Variants in ATM observed in about 807,000 individuals in gnomAD.
ATM encodes ATM serine/threonine kinase, also known as serine-protein kinase ATM.
A neutral mutation model predicts 387.0 loss-of-function variants in ATM; 308 were observed. The ratio of observed to expected loss-of-function variants is 0.80; its 90% CI spans 0.73 to 0.87. ATM has a LOEUF of 0.87. Ranked by LOEUF, ATM falls within the 40% of genes least tolerant of loss-of-function variation. ATM has a pLI of 0.00. For missense variants in ATM, 3,312 were observed against 3,560.9 expected, an observed-to-expected ratio of 0.93 and a Z score of 1.78; for synonymous variants, 1,156 against 1,187.3, an observed-to-expected ratio of 0.97 and a Z score of 0.54.
At chr11:108,266,903 C>T (rs1161707726) in intron 16 of ATM, among the ~76,000 whole-genome samples, 5 of 149,558 alleles carry the variant, frequency 3.3e-5, no homozygotes, top group Non-Finnish European at 5.9e-5. Flanking sequence ...TCAAGTGATT[C>T]TCCTGCCTCA....
intron 18 of ATM, among the ~76,000 whole-genome samples, chr11:108,269,450 G>A (rs530083476): frequency 1.4e-4 from 21 of 152,006 alleles, no homozygotes; most frequent in Middle Eastern, 3.4e-3. Flanking sequence ...TCAAATCCAA[G>A]CCAACATCAC....
rs192830561 is a variant in ATM at position 108,310,042 on chromosome 11, T to C, written c.5763-118T>C. The stretch of plus-strand genomic sequence containing the variant: ...GGTATATATTGGGGAAATGTGGTTT[T>C]TGGGAATTTGTAATTTTCTGTTAAG... On this transcript the variant is annotated intron_variant, in intron 38 of 62. Coordinates refer to ENST00000675843, the MANE Select transcript of ATM (RefSeq NM_000051.4). 124 of 1,058,072 alleles carry C rather than the reference T, an allele frequency of 1.2e-4. No individual in the cohort carries two copies. In the African/African-American group the frequency reaches 1.8e-3, roughly 15 times the overall value. The allele number at this position is 1,058,072 out of a possible 1,614,324, so 65.5% of individuals were successfully genotyped here.
intron 13 of ATM, 77 bp from the exon 14 acceptor site, chr11:108,256,138 A>T: frequency 7.5e-7 from 1 of 1,331,602 alleles, no homozygotes; most frequent in Non-Finnish European, 1.0e-6. Context: ...ATGTATGTAG[A>T]ATTTGTTCTT....
rs2135864429 is a variant in ATM at position 108,297,393 on chromosome 11, G to C, written c.5005+11G>C. On this transcript the variant is annotated intron_variant, in intron 33 of 62. Transcript: ENST00000675843. Reference sequence around the variant, plus strand: ...AAAAAGAAGTTCTAGGTAAACTACAGTCATGCGCTGCGTGACATTTCAGTC... The same window carrying C: ...AAAAAGAAGTTCTAGGTAAACTACACTCATGCGCTGCGTGACATTTCAGTC... 1 of 1,598,338 alleles carries C rather than the reference G, an allele frequency of 6.3e-7. No individual in the cohort carries two copies. The highest frequency in any genetic ancestry group is 8.6e-7 in the Non-Finnish European group (1 of 1,165,834).
At chr11:108,334,214 G>A (rs2086587757) in intron 54 of ATM, among the ~76,000 whole-genome samples, 1 of 106,794 alleles carries the variant, frequency 9.4e-6, no homozygotes, top group Admixed American at 1.1e-4. Flanking sequence ...AAGGTCTATA[G>A]ACTGTTACTT....
chr11:108,316,155 GTGC>G (rs1413043711), intron 42 of ATM, 42 bp downstream of exon 42: 1 of 1,538,098 alleles, frequency 6.5e-7, no homozygotes, highest in Non-Finnish European at 9.0e-7. Context: ...CACTAGTGTA[GTGC>G]TGAGGTTATT....
rs370574283 is a variant in ATM at position 108,292,683 on chromosome 11, G to T, written c.4501G>T (p.Val1501Phe). 6.2e-7 allele frequency: 1 copy of T among 1,613,756 alleles called. No individual in the cohort carries two copies. Among genetic ancestry groups the T allele is most frequent in the Non-Finnish European group, 8.5e-7 (1 of 1,179,934 alleles). ...CCTTTGTTGTGACTTATTAAGTCAGGTTTGCCAGACAGCCGTGACTTACTG... is the reference window on the plus strand; with the variant it reads ...CCTTTGTTGTGACTTATTAAGTCAGTTTTGCCAGACAGCCGTGACTTACTG... ...FSLCCDLLSQ[V>F]CQTAVTYCKD... The change falls in exon 30 of 63, where the codon GTT (valine) becomes TTT (phenylalanine). Residue 1501 changes from valine (V) to phenylalanine (F), a missense_variant. Val to Phe is a conservative substitution (Grantham distance 50, BLOSUM62 -1). Transcript: ENST00000675843.
At chr11:108,333,586 A>G (rs1350198972) in intron 53 of ATM, among the ~76,000 whole-genome samples, 1 of 152,242 alleles carries the variant, frequency 6.6e-6, no homozygotes, top group Non-Finnish European at 1.5e-5. Context: ...TATGTTATCT[A>G]TGTACTATGC....
At chr11:108,300,237 C>G (rs967618671) in intron 34 of ATM, among the ~76,000 whole-genome samples, 1 of 152,172 alleles carries the variant, frequency 6.6e-6, no homozygotes, top group African/African-American at 2.4e-5. Flanking sequence ...GTGCCACTCT[C>G]CTCTAAGCGA....
At chr11:108,330,569 C>T (rs1301706139) in intron 50 of ATM, 148 bp downstream of exon 50, 4 of 843,586 alleles carry the variant, frequency 4.7e-6, no homozygotes, top group Admixed American at 2.0e-5. Context: ...GTTTTCTAAA[C>T]TTTGATCCAT....
intron 23 of ATM, among the ~76,000 whole-genome samples, chr11:108,280,034 A>G (rs1177897403): frequency 2.0e-5 from 3 of 152,176 alleles, no homozygotes; most frequent in African/African-American, 7.2e-5. Context: ...CTGTAGAATA[A>G]TATATTTTTT....
rs1555097905 is a variant in ATM, at chr11:108,289,814, T to C, written c.4436+13T>C. 1.2e-6 allele frequency: 2 copies of C among 1,604,002 alleles called. No individual in the cohort carries two copies. The highest frequency in any genetic ancestry group is 1.7e-6 in the Non-Finnish European group (2 of 1,172,752). The stretch of plus-strand genomic sequence containing the variant: ...ATATCAACCAAAGGTAAATAACATA[T>C]TTAGACCAATATATAAGCAGTCTTT... On this transcript the variant is annotated intron_variant, in intron 29 of 62. Coordinates refer to ENST00000675843, the MANE Select transcript of ATM (RefSeq NM_000051.4).
Position 108,299,744 on chromosome 11 carries a change from G to T in ATM, c.5036G>T (p.Gly1679Val), listed in dbSNP as rs1064794124. The change falls in exon 34 of 63, where the codon GGT becomes GTT. Residue 1679 changes from glycine to valine, a missense_variant. Transcript: ENST00000675843. ...EAVGSCLGEVGPIDFSTIAIQ... is the reference protein window; with the variant it reads ...EAVGSCLGEVVPIDFSTIAIQ... ...GTTGGAAGCTGCTTGGGAGAAGTGGGTCCTATAGATTTCTCTACCATAGCT... is the reference window on the plus strand; with the variant it reads ...GTTGGAAGCTGCTTGGGAGAAGTGGTTCCTATAGATTTCTCTACCATAGCT... The T allele has an allele frequency of 1.4e-5, 22 of 1,613,854 alleles. No individual in the cohort carries two copies. Among genetic ancestry groups the T allele is most frequent in the Non-Finnish European group, 1.9e-5 (22 of 1,179,890 alleles).
intron 61 of ATM, chr11:108,355,189 A>C (rs545227798): frequency 9.7e-5 from 31 of 321,174 alleles, no homozygotes; most frequent in Non-Finnish European, 1.8e-4. Flanking sequence ...GGTTTCCATT[A>C]GGGTTTAAGA....
At chr11:108,237,533 T>C (rs1308840230) in intron 5 of ATM, among the ~76,000 whole-genome samples, 1 of 152,208 alleles carries the variant, frequency 6.6e-6, no homozygotes, top group Non-Finnish European at 1.5e-5. Context: ...TGTTACTTCT[T>C]ATAATTAGCT....
chr11:108,294,653 T>G (rs575398247), intron 31 of ATM, among the ~76,000 whole-genome samples: 49 of 152,276 alleles, frequency 3.2e-4, no homozygotes, highest in South Asian at 3.1e-3. Flanking sequence ...GACATTAGAA[T>G]CACTTGAACC....
chr11:108,313,018 G>T lies in ATM; in HGVS notation c.6006+520G>T, dbSNP rs117480449. Reference sequence around the variant, plus strand: ...CTCTCATCTTCTCTTCTATGCCGCTGCTTTCAGCCTGCCTCCTACTTGGAG... The same window carrying T: ...CTCTCATCTTCTCTTCTATGCCGCTTCTTTCAGCCTGCCTCCTACTTGGAG... On this transcript the variant is annotated intron_variant, in intron 40 of 62. Coordinates refer to ENST00000675843, the MANE Select transcript of ATM (RefSeq NM_000051.4). 3.3e-3 allele frequency among the ~76,000 whole-genome samples: 500 copies of T among 152,224 alleles called. 1 individual carries two copies. Among genetic ancestry groups the T allele is most frequent in the Middle Eastern group, 6.8e-3 (2 of 294 alleles).
At chr11:108,359,927 G>A (rs562494564) in intron 61 of ATM, among the ~76,000 whole-genome samples, 1 of 152,082 alleles carries the variant, frequency 6.6e-6, no homozygotes, top group South Asian at 2.1e-4. Context: ...GTTAGCAGAA[G>A]GCAAGAAATA....
intron 4 of ATM, among the ~76,000 whole-genome samples, chr11:108,234,452 A>G (rs2079168580): frequency 6.6e-6 from 1 of 152,230 alleles, no homozygotes; most frequent in Non-Finnish European, 1.5e-5. Flanking sequence ...AATTATTTTT[A>G]AATGTAATTT....
Sources: allele counts gnomAD v4.1 joint callset (sites outside exome capture counted in the v4.1 genomes callset), GRCh38; gene constraint gnomAD v4.1.1; transcripts MANE v1.5; gene names NCBI Gene and HGNC (gene_info 2026-07-23, HGNC 2026-07-21).